The following DNER variants were observed in gnomAD, a reference collection of about 807,000 sequenced individuals.
The protein encoded by DNER is delta and Notch-like epidermal growth factor-related receptor.
In DNER, 33 loss-of-function variants were observed where a neutral mutation model predicts 78.2. The ratio of observed to expected loss-of-function variants is 0.42; its 90% CI spans 0.32 to 0.56. The LOEUF is 0.56. Ranked by LOEUF, DNER falls within the 20% of genes least tolerant of loss-of-function variation. DNER has a pLI of 0.11. For missense variants in DNER, 918 were observed against 975.3 expected (o/e 0.94, Z 0.78); for synonymous variants, 417 against 384.8 (o/e 1.08, Z -0.98).
At chr2:229,688,787 T>A (rs1217733387) in intron 1 of DNER, among the ~76,000 whole-genome samples, 1 of 152,108 alleles carries the variant, frequency 6.6e-6, no homozygotes, top group Non-Finnish European at 1.5e-5. Flanking sequence ...ATGTGGCACA[T>A]ACACACCATG....
chr2:229,569,341 G>T (rs527770629), intron 4 of DNER, among the ~76,000 whole-genome samples: 3 of 152,216 alleles, frequency 2.0e-5, no homozygotes, highest in African/African-American at 7.2e-5. Context: ...GGCCAACATG[G>T]TGAAACCTAG....
At chr2:229,394,488 C>G (rs548741325) in intron 10 of DNER, among the ~76,000 whole-genome samples, 343 of 152,338 alleles carry the variant, frequency 2.3e-3, no homozygotes, top group Non-Finnish European at 4.0e-3. Flanking sequence ...TTTGCAGAGG[C>G]CTGCAGGAGC....
At chr2:229,516,525 C>G (rs961226305) in intron 5 of DNER, among the ~76,000 whole-genome samples, 10 of 152,124 alleles carry the variant, frequency 6.6e-5, no homozygotes, top group Non-Finnish European at 1.5e-4. Context: ...ATGTACTTTT[C>G]AAGTAAAATG....
chr2:229,702,147 G>A (rs1425031346), intron 1 of DNER: 1 of 163,028 alleles, frequency 6.1e-6, no homozygotes. Flanking sequence ...GTTCTCTGAA[G>A]ATTAAGATTT....
chr2:229,594,674 G>A (rs866638540), intron 1 of DNER, among the ~76,000 whole-genome samples: 13 of 151,994 alleles, frequency 8.6e-5, no homozygotes, highest in African/African-American at 2.2e-4. Context: ...AGGAGACCAT[G>A]TCTTCTGATT....
At chr2:229,480,401 T>G (rs1477695844) in intron 6 of DNER, among the ~76,000 whole-genome samples, 1 of 152,222 alleles carries the variant, frequency 6.6e-6, no homozygotes, top group Non-Finnish European at 1.5e-5. Context: ...AATATTTCAT[T>G]CCATTTACAA....
intron 1 of DNER, among the ~76,000 whole-genome samples, chr2:229,671,125 T>C (rs1290468859): frequency 6.6e-6 from 1 of 152,224 alleles, no homozygotes; most frequent in African/African-American, 2.4e-5. Flanking sequence ...AAGGACAAGA[T>C]AGGACAACTT....
At chr2:229,677,393 C>A (rs1699315295) in intron 1 of DNER, among the ~76,000 whole-genome samples, 1 of 152,182 alleles carries the variant, frequency 6.6e-6, no homozygotes, top group Admixed American at 6.5e-5. Flanking sequence ...CCAATTCAAG[C>A]TCTCCCATCA....
chr2:229,586,866 C>A, intron 3 of DNER: 5 of 985,558 alleles, frequency 5.1e-6, no homozygotes, highest in Non-Finnish European at 4.8e-6. Context: ...CAGCACAGGG[C>A]TCCTGGCGTG....
chr2:229,625,895 GTTT>G (rs369592511), intron 1 of DNER, among the ~76,000 whole-genome samples: 985 of 24,942 alleles, frequency 0.039, 11 homozygotes, highest in African/African-American at 0.061. Flanking sequence ...TGTTTTTGTT[GTTT>G]TTGTTGTTGT....
Position 229,512,892 on chromosome 2 carries a change from G to C in DNER, c.1038C>G (p.Phe346Leu). 1 of 1,614,094 alleles carries C rather than the reference G, an allele frequency of 6.2e-7. No individual in the cohort carries two copies. The highest frequency in any genetic ancestry group is 1.3e-5 in the African/African-American group (1 of 75,026). The change falls in exon 6 of 13, where the codon TTC (phenylalanine) becomes TTG (leucine). Residue 346 changes from phenylalanine to leucine, a missense_variant. Coordinates refer to ENST00000341772, the MANE Select transcript of DNER (RefSeq NM_139072.4). Reference sequence around the variant, plus strand: ...TCTGGCAAGCATCGTATTCTTCACAGAAAGTACCCACGTACTGCTCCTCAC... The same window carrying C: ...TCTGGCAAGCATCGTATTCTTCACACAAAGTACCCACGTACTGCTCCTCAC... ...CTCEEQYVGT[F>L]CEEYDACQRK...
rs187440286 is a variant in DNER at position 229,513,003 on chromosome 2, A to C, written c.994-67T>G. ...CTCAACAGTGTGCTTTGGCTGTGAG[A>C]CTCAAAGTTTGAAAGAACCACTTCC... is the stretch of plus-strand genomic sequence containing the variant. On this transcript the variant is annotated intron_variant, in intron 5 of 12. Transcript: ENST00000341772. 35 of 1,512,296 alleles carry C rather than the reference A, an allele frequency of 2.3e-5. No homozygotes were observed. The Admixed American group carries it at 2.7e-4, about 11-fold the overall frequency. 93.7% of individuals were successfully genotyped at this position (1,512,296 alleles called of 1,614,324 possible). A position where few individuals can be genotyped will look rare whatever the true frequency, so the allele number is the denominator to read the frequency against.
In DNER at chr2:229,406,300, A is replaced by T. The variant is rs560894193; in HGVS notation, c.1723+932T>A. Among the ~76,000 whole-genome samples, 6 of 152,244 alleles carry T rather than the reference A, an allele frequency of 3.9e-5. No individual in the cohort carries two copies. The East Asian group carries it at 1.2e-3, about 29-fold the overall frequency. The stretch of plus-strand genomic sequence containing the variant: ...GCCCACCTTCTTCTGTGGGTACTTG[A>T]TATGTCATCCTCTTCCAATTTGCAA... On this transcript the variant is annotated intron_variant, in intron 10 of 12. Coordinates refer to ENST00000341772, the MANE Select transcript of DNER (RefSeq NM_139072.4).
At chr2:229,576,542 C>T (rs1038257668) in intron 4 of DNER, among the ~76,000 whole-genome samples, 11 of 152,058 alleles carry the variant, frequency 7.2e-5, no homozygotes, top group East Asian at 3.9e-4. Context: ...AGTCAAGTGA[C>T]GAACATGTGG....
intron 1 of DNER, among the ~76,000 whole-genome samples, chr2:229,683,110 G>A (rs1699416141): frequency 6.6e-6 from 1 of 152,172 alleles, no homozygotes; most frequent in African/African-American, 2.4e-5. Context: ...AATCCACACT[G>A]ATGACAATAA....
At chr2:229,515,703 C>T (rs917556822) in intron 5 of DNER, among the ~76,000 whole-genome samples, 8 of 146,322 alleles carry the variant, frequency 5.5e-5, no homozygotes, top group East Asian at 2.0e-4. Context: ...TGCAGTGGCA[C>T]AATCTCAGCT....
intron 3 of DNER, chr2:229,586,689 C>T (rs958386454): frequency 2.0e-6 from 2 of 985,574 alleles, no homozygotes; most frequent in Non-Finnish European, 2.4e-6. Context: ...CCAGTTCTTT[C>T]TCACCTCCCA....
chr2:229,614,775 G>A (rs1698121805), intron 1 of DNER, among the ~76,000 whole-genome samples: 1 of 152,136 alleles, frequency 6.6e-6, no homozygotes, highest in Admixed American at 6.5e-5. Flanking sequence ...AAAGACCAGT[G>A]CCCACTTTCC....
intron 8 of DNER, among the ~76,000 whole-genome samples, chr2:229,429,075 C>T (rs1026022722): frequency 2.0e-5 from 3 of 152,120 alleles, no homozygotes; most frequent in African/African-American, 4.8e-5. Flanking sequence ...CTCCAACTGG[C>T]GTAATGACCT....
Sources: allele counts gnomAD v4.1 joint callset (sites outside exome capture counted in the v4.1 genomes callset), GRCh38; gene constraint gnomAD v4.1.1; transcripts MANE v1.5; gene names NCBI Gene and HGNC (gene_info 2026-07-23, HGNC 2026-07-21).